The following STK24 variants were observed in gnomAD, a reference collection of about 807,000 sequenced individuals.
STK24 encodes the protein serine/threonine kinase 24.
A neutral mutation model predicts 55.6 loss-of-function variants in STK24; 21 were observed. That is an observed-to-expected ratio of 0.38 (90% CI 0.27 to 0.54). The LOEUF (loss-of-function observed/expected upper bound fraction) is 0.54. Among genes scored for constraint, STK24 ranks in the 20% least tolerant of loss-of-function variants. The probability of loss-of-function intolerance (pLI) is 0.79; values close to 1 mark genes in which losing one functional copy is unlikely to be tolerated. For synonymous variants in STK24, 200 were observed against 215.2 expected (o/e 0.93, Z 0.62); for missense variants, 383 against 538.4 (o/e 0.71, Z 2.86).
At chr13:98,560,157 C>G (rs527669665) in intron 1 of STK24, among the ~76,000 whole-genome samples, 3 of 152,192 alleles carry the variant, frequency 2.0e-5, no homozygotes, top group Non-Finnish European at 4.4e-5. Flanking sequence ...CAGCTACTCA[C>G]AGTCTCAGTG....
rs1892998569 is a variant in STK24 at position 98,448,425 on chromosome 13, A to C, written c.*4748T>G. ...TAACACCTGTCTGAAAATCAAAAAC[A>C]TGGCTTCCCAGCAGCTCTCCTGTCT... On this transcript the variant is annotated 3_prime_UTR_variant, in exon 11 of 11. Coordinates refer to ENST00000539966, the MANE Select transcript of STK24 (RefSeq NM_001032296.4). 2 of 913,926 alleles carry C rather than the reference A, an allele frequency of 2.2e-6. No homozygotes were observed. The highest frequency in any genetic ancestry group is 2.9e-5 in the South Asian group (2 of 69,254). 56.6% of individuals were successfully genotyped at this position (913,926 alleles called of 1,614,324 possible). A position where few individuals can be genotyped will look rare whatever the true frequency, so the allele number is the denominator to read the frequency against.
chr13:98,564,951 A>G (rs1041153883), intron 1 of STK24, among the ~76,000 whole-genome samples: 3 of 152,206 alleles, frequency 2.0e-5, no homozygotes, highest in Non-Finnish European at 2.9e-5. Context: ...TTATAAATAC[A>G]TGCTAAAATC....
At chr13:98,456,821 TAG>T (rs1371538663) in intron 10 of STK24, 5 of 403,060 alleles carry the variant, frequency 1.2e-5, no homozygotes, top group Non-Finnish European at 2.3e-5. Context: ...GAAAACCAGA[TAG>T]ATAGTTACAC....
At position 98,520,260 on chromosome 13, in the gene STK24, C is replaced by T. The variant is rs79622394; in HGVS notation, c.43-787G>A. On this transcript the variant is annotated intron_variant, in intron 1 of 10. Coordinates refer to ENST00000539966, the MANE Select transcript of STK24 (RefSeq NM_001032296.4). ...TTTGTCAGGAAACTGAGAAGCAATCCCGATGTTTAGCAAGGCAAGACAGGG... is the reference window on the plus strand; with the variant it reads ...TTTGTCAGGAAACTGAGAAGCAATCTCGATGTTTAGCAAGGCAAGACAGGG... Among the ~76,000 whole-genome samples, 1,412 of 152,254 alleles carry T rather than the reference C, an allele frequency of 9.3e-3. 23 individuals are homozygous for T. Among genetic ancestry groups the T allele is most frequent in the African/African-American group, 0.032 (1,327 of 41,532 alleles).
chr13:98,449,242 G>A lies in STK24; in HGVS notation c.*3931C>T, dbSNP rs1893063187. ...TCATGGTACGTAGTCCCCGGCACCT[G>A]TCGTTATTCCTATATCCTCCTGCAA... On this transcript the variant is annotated 3_prime_UTR_variant, in exon 11 of 11. Transcript: ENST00000539966. The A allele has an allele frequency of 6.6e-6, 1 of 152,224 alleles. No individual in the cohort carries two copies. Among genetic ancestry groups the A allele is most frequent in the Admixed American group, 6.5e-5 (1 of 15,286 alleles). The allele number at this position is 152,224 out of a possible 1,614,324, so 9.4% of individuals were successfully genotyped here. A position where few individuals can be genotyped will look rare whatever the true frequency, so the allele number is the denominator to read the frequency against.
intron 1 of STK24, among the ~76,000 whole-genome samples, chr13:98,563,511 C>G (rs116487670): frequency 6.6e-6 from 1 of 152,138 alleles, no homozygotes; most frequent in Non-Finnish European, 1.5e-5. Context: ...TGTGGTCAAT[C>G]CCCTAAGTCT....
At chr13:98,463,213 C>T (rs1594576524) in intron 7 of STK24, among the ~76,000 whole-genome samples, 1 of 152,148 alleles carries the variant, frequency 6.6e-6, no homozygotes, top group East Asian at 1.9e-4. Context: ...GCTCCAGCCC[C>T]ACTCCGCCTC....
At chr13:98,469,595 G>A (rs1894066785) in intron 5 of STK24, among the ~76,000 whole-genome samples, 1 of 151,968 alleles carries the variant, frequency 6.6e-6, no homozygotes, top group East Asian at 1.9e-4. Context: ...GCCATGCCAG[G>A]GACACGAGGG....
intron 7 of STK24, among the ~76,000 whole-genome samples, chr13:98,463,152 TC>T (rs1419878436): frequency 1.3e-5 from 2 of 152,030 alleles, no homozygotes; most frequent in African/African-American, 4.8e-5. Context: ...CGCTCGGACT[TC>T]CAGACACAAG....
chr13:98,462,736 C>A (rs949362472), intron 7 of STK24, among the ~76,000 whole-genome samples: 1 of 152,202 alleles, frequency 6.6e-6, no homozygotes, highest in African/African-American at 2.4e-5. Context: ...CCACTTCACA[C>A]TGGACGTCTC....
intron 1 of STK24, chr13:98,522,120 G>C: frequency 2.4e-6 from 3 of 1,269,120 alleles, no homozygotes; most frequent in Non-Finnish European, 3.0e-6. Context: ...CTGCAATGTC[G>C]TGTCTGAGCC....
intron 1 of STK24, among the ~76,000 whole-genome samples, chr13:98,562,164 A>C (rs1219156728): frequency 6.6e-6 from 1 of 152,160 alleles, no homozygotes; most frequent in Non-Finnish European, 1.5e-5. Context: ...TTACTTAAGG[A>C]AATGTGTGTA....
intron 2 of STK24, among the ~76,000 whole-genome samples, chr13:98,503,024 G>GTGTTTTTTTTTTTTTTTTTTTTT (rs1555306356): frequency 9.3e-6 from 1 of 107,084 alleles, no homozygotes; most frequent in African/African-American, 4.0e-5. Context: ...CTTTCCATGT[G>GTGTTTTTTTTTTTTTTTTTTTTT]TTTTTTTTTT....
intron 5 of STK24, among the ~76,000 whole-genome samples, chr13:98,469,965 G>A (rs191703070): frequency 6.6e-6 from 1 of 152,322 alleles, no homozygotes; most frequent in East Asian, 1.9e-4. Context: ...AAAATGGTAT[G>A]GGCTGCCCAA....
rs1893266879 is a variant in STK24 at position 98,452,961 on chromosome 13, A to T, written c.*212T>A. 1 of 456,930 alleles carries T rather than the reference A, an allele frequency of 2.2e-6. No individual in the cohort carries two copies. Among genetic ancestry groups the T allele is most frequent in the Non-Finnish European group, 3.9e-6 (1 of 258,972 alleles). The allele number at this position is 456,930 out of a possible 1,614,324, so 28.3% of individuals were successfully genotyped here. On this transcript the variant is annotated 3_prime_UTR_variant, in exon 11 of 11. Transcript: ENST00000539966. ...AAAATAAAATAAAATGATCGCTGGAAGGAGCTGACCCTCCCCACCCATCTG... is the reference window on the plus strand; with the variant it reads ...AAAATAAAATAAAATGATCGCTGGATGGAGCTGACCCTCCCCACCCATCTG...
intron 9 of STK24, among the ~76,000 whole-genome samples, chr13:98,458,927 G>A (rs190558268): frequency 9.8e-5 from 15 of 152,342 alleles, no homozygotes; most frequent in African/African-American, 3.6e-4. Flanking sequence ...CTCTAGGGTA[G>A]CAAATATCAT....
At chr13:98,506,099 G>A (rs933617427) in intron 2 of STK24, among the ~76,000 whole-genome samples, 2 of 152,102 alleles carry the variant, frequency 1.3e-5, no homozygotes, top group Admixed American at 6.5e-5. Context: ...AAAAGGACTC[G>A]CCAAAACACC....
chr13:98,521,746 C>T, intron 1 of STK24: 1 of 778,626 alleles, frequency 1.3e-6, no homozygotes, highest in South Asian at 1.3e-5. Context: ...CAGCTACTAT[C>T]CTCGCTGCTT....
In STK24 at chr13:98,461,955, T is replaced by A; in HGVS notation, c.930-58A>T. On this transcript the variant is annotated intron_variant, in intron 7 of 10. Transcript: ENST00000539966. ...GCTCGCACACCTGCTCTGGGGGCGC[T>A]GGGACGTTCAGGGGGAGGCCGCCTG... 3 of 1,599,902 alleles carry A rather than the reference T, an allele frequency of 1.9e-6. No homozygotes were observed. The Admixed American group carries it at 5.0e-5, about 27-fold the overall frequency.
Sources: allele counts gnomAD v4.1 joint callset (sites outside exome capture counted in the v4.1 genomes callset), GRCh38; gene constraint gnomAD v4.1.1; transcripts MANE v1.5; gene names NCBI Gene and HGNC (gene_info 2026-07-23, HGNC 2026-07-21).